Variants in LPCAT2 observed in about 807,000 individuals in gnomAD.
The protein encoded by LPCAT2 is 1-AGP acyltransferase 11.
A neutral mutation model predicts 64.7 loss-of-function variants in LPCAT2; 58 were observed. The observed-to-expected ratio is 0.90, with a 90% CI of 0.73 to 1.12. The LOEUF (loss-of-function observed/expected upper bound fraction) is 1.12, where lower values mean the gene tolerates loss of function less well. Ranked by LOEUF, LPCAT2 falls within the 50% of genes most tolerant of loss-of-function variation. The pLI is 0.00. For synonymous variants in LPCAT2, 252 were observed against 245.3 expected (o/e 1.03, Z -0.26); for missense variants, 579 against 669.8 (o/e 0.86, Z 1.50).
intron 1 of LPCAT2, among the ~76,000 whole-genome samples, chr16:55,518,050 G>A (rs930314663): frequency 2.6e-5 from 4 of 152,116 alleles, no homozygotes; most frequent in Non-Finnish European, 5.9e-5. Context: ...AGAAAATCCT[G>A]AGGAATGCAC....
chr16:55,560,604 G>C (rs557729490), intron 11 of LPCAT2, among the ~76,000 whole-genome samples: 1 of 152,156 alleles, frequency 6.6e-6, no homozygotes, highest in African/African-American at 2.4e-5. Flanking sequence ...TGATGTTGCT[G>C]TCACAAATCT....
At chr16:55,555,732 T>C (rs985351113) in intron 11 of LPCAT2, among the ~76,000 whole-genome samples, 2 of 152,240 alleles carry the variant, frequency 1.3e-5, no homozygotes, top group African/African-American at 4.8e-5. Flanking sequence ...TCTGTCATCA[T>C]CTATGAAATA....
intron 12 of LPCAT2, among the ~76,000 whole-genome samples, chr16:55,578,408 C>T (rs1025924474): frequency 6.6e-6 from 1 of 152,168 alleles, no homozygotes; most frequent in Admixed American, 6.6e-5. Context: ...TCAGCTTTCA[C>T]CCAGTTGCCT....
chr16:55,560,439 G>A (rs2142407154), intron 11 of LPCAT2, among the ~76,000 whole-genome samples: 1 of 152,186 alleles, frequency 6.6e-6, no homozygotes, highest in East Asian at 1.9e-4. Context: ...ATACTTAATA[G>A]GTTGCAGTCA....
chr16:55,547,011 A>G (rs1963461491), intron 9 of LPCAT2, among the ~76,000 whole-genome samples: 2 of 152,088 alleles, frequency 1.3e-5, no homozygotes, highest in Non-Finnish European at 2.9e-5. Flanking sequence ...GCCAGGCATT[A>G]TGGCAAGCGC....
intron 1 of LPCAT2, among the ~76,000 whole-genome samples, chr16:55,521,449 A>G (rs1231919834): frequency 6.6e-6 from 1 of 151,834 alleles, no homozygotes; most frequent in Non-Finnish European, 1.5e-5. Flanking sequence ...GAAAGTAGAG[A>G]AGTGTGGAAC....
At chr16:55,544,554 C>T (rs150228557) in intron 8 of LPCAT2, among the ~76,000 whole-genome samples, 2 of 152,304 alleles carry the variant, frequency 1.3e-5, no homozygotes, top group East Asian at 3.9e-4. Flanking sequence ...GTATGTAAAA[C>T]ACCTAGCATG....
At chr16:55,521,285 A>C (rs1963091886) in intron 1 of LPCAT2, among the ~76,000 whole-genome samples, 1 of 151,826 alleles carries the variant, frequency 6.6e-6, no homozygotes, top group Non-Finnish European at 1.5e-5. Context: ...CAAGAACTAG[A>C]AAATATGAAT....
chr16:55,568,926 A>G (rs1195905557), intron 11 of LPCAT2, among the ~76,000 whole-genome samples: 1 of 152,174 alleles, frequency 6.6e-6, no homozygotes, highest in Non-Finnish European at 1.5e-5. Context: ...ACACAGCTAG[A>G]GAGGCTACAT....
chr16:55,540,568 T>C (rs1211209642), intron 8 of LPCAT2: 1 of 151,972 alleles, frequency 6.6e-6, no homozygotes. Flanking sequence ...AGCTAGTTTA[T>C]GAATGGAAAC....
intron 11 of LPCAT2, among the ~76,000 whole-genome samples, chr16:55,572,685 G>T (rs1963784109): frequency 6.6e-6 from 1 of 152,186 alleles, no homozygotes; most frequent in Non-Finnish European, 1.5e-5. Flanking sequence ...GCTGGGTGTG[G>T]TGGCACACGC....
intron 11 of LPCAT2, 137 bp from the exon 12 acceptor site, chr16:55,574,494 C>G (rs1396212649): frequency 3.1e-5 from 20 of 647,402 alleles, no homozygotes; most frequent in Non-Finnish European, 5.4e-5. Flanking sequence ...GCTTGCTGTT[C>G]CTTCTTAGTG....
intron 11 of LPCAT2, among the ~76,000 whole-genome samples, chr16:55,564,754 G>C (rs1398807372): frequency 6.6e-6 from 1 of 151,876 alleles, no homozygotes; most frequent in Non-Finnish European, 1.5e-5. Flanking sequence ...AGTGAAAACA[G>C]AGGAAAAGCT....
intron 3 of LPCAT2, 50 bp downstream of exon 3, chr16:55,528,644 TA>T: frequency 1.5e-6 from 2 of 1,345,182 alleles, no homozygotes; most frequent in Non-Finnish European, 2.1e-6. Flanking sequence ...GCTCATGCTT[TA>T]AATTAAAATA....
intron 11 of LPCAT2, chr16:55,566,587 G>A: frequency 1.5e-6 from 1 of 671,138 alleles, no homozygotes; most frequent in Non-Finnish European, 2.5e-6. Flanking sequence ...GGACCTCATG[G>A]AACTCAGGTA....
chr16:55,542,005 TAA>T (rs1482985505), intron 8 of LPCAT2: 155 of 1,152,616 alleles, frequency 1.3e-4, no homozygotes, highest in Non-Finnish European at 1.7e-4. Flanking sequence ...AAGGAAAAAA[TAA>T]AAGATTGATT....
chr16:55,542,084 C>A, intron 8 of LPCAT2: 2 of 723,212 alleles, frequency 2.8e-6, no homozygotes, highest in Non-Finnish European at 3.7e-6. Flanking sequence ...TTGATGTAGT[C>A]AAGAAAAAAT....
chr16:55,554,486 A>G (rs1472990289), intron 11 of LPCAT2, among the ~76,000 whole-genome samples: 9 of 152,214 alleles, frequency 5.9e-5, no homozygotes, highest in African/African-American at 2.2e-4. Flanking sequence ...CAGTCTTCAC[A>G]GAATTGAAGA....
At chr16:55,563,190 T>C (rs1171574200) in intron 11 of LPCAT2, among the ~76,000 whole-genome samples, 2 of 151,734 alleles carry the variant, frequency 1.3e-5, no homozygotes, top group Non-Finnish European at 3.0e-5. Context: ...AAGTAAAACA[T>C]ATGAATAGAC....
Sources: gnomAD v4.1 joint callset for allele counts (sites outside exome capture counted in the v4.1 genomes callset) on GRCh38, gnomAD v4.1.1 for gene constraint, MANE v1.5 for transcripts, NCBI Gene and HGNC (gene_info 2026-07-23, HGNC 2026-07-21) for gene names.